The following NFASC variants were observed in gnomAD, a reference collection of about 807,000 sequenced individuals.
The protein encoded by NFASC is neurofascin homolog.
A neutral mutation model predicts 147.5 loss-of-function variants in NFASC; 43 were observed. The ratio of observed to expected loss-of-function variants is 0.29; its 90% CI spans 0.23 to 0.38. The LOEUF is 0.38. NFASC is among the 10% of genes least tolerant of loss of function. The pLI is 1.00. For missense variants in NFASC, 1,320 were observed against 1,689.0 expected, an observed-to-expected ratio of 0.78 and a Z score of 3.83; for synonymous variants, 622 against 665.5, an observed-to-expected ratio of 0.93 and a Z score of 1.01.
intron 1 of NFASC, among the ~76,000 whole-genome samples, chr1:204,910,259 G>T (rs1369400352): frequency 6.6e-6 from 1 of 152,008 alleles, no homozygotes; most frequent in African/African-American, 2.4e-5. Flanking sequence ...TCTTTAATCA[G>T]TTCTGTGTAG....
intron 1 of NFASC, among the ~76,000 whole-genome samples, chr1:204,909,406 T>G (rs1199988880): frequency 6.6e-6 from 1 of 152,250 alleles, no homozygotes; most frequent in Admixed American, 6.5e-5. Context: ...TCTACTCTGA[T>G]GAAATGTCTT....
chr1:204,923,707 T>C (rs757639454), intron 2 of NFASC, among the ~76,000 whole-genome samples: 7 of 151,986 alleles, frequency 4.6e-5, no homozygotes, highest in Non-Finnish European at 8.8e-5. Flanking sequence ...CCCAAACCGA[T>C]TTCAGGCCCC....
In NFASC at chr1:204,979,469, G is replaced by A. The variant is rs751762776; in HGVS notation, c.2086G>A (p.Val696Ile). The change falls in exon 19 of 30, where the codon GTC becomes ATC. Residue 696 changes from valine to isoleucine, a missense_variant. Physicochemically the swap from Val to Ile is conservative, Grantham distance 29. This residue lies in a region of NFASC where 981 missense variants were observed against 1,289.5 expected (regional missense o/e 0.76). Transcript: ENST00000339876. This position sits in a 1 kb window ranked among gnomAD's most constrained non-coding sequence, Gnocchi z 6.0. ...NSAVLRLSPY[V>I]NYQFRVIAIN... ...AGCCGTCCTCCGGCTGTCCCCGTATGTCAACTACCAGTTCCGTGTCATTGC... is the reference window on the plus strand; with the variant it reads ...AGCCGTCCTCCGGCTGTCCCCGTATATCAACTACCAGTTCCGTGTCATTGC... 6.2e-7 allele frequency: 1 copy of A among 1,614,026 alleles called. No individual in the cohort carries two copies. The highest frequency in any genetic ancestry group is 1.1e-5 in the South Asian group (1 of 91,090).
chr1:204,845,868 C>T (rs1401917594), intron 1 of NFASC, among the ~76,000 whole-genome samples: 2 of 151,796 alleles, frequency 1.3e-5, no homozygotes, highest in Non-Finnish European at 2.9e-5. Flanking sequence ...CACCACTGCA[C>T]ACCGCGTGTG....
intron 2 of NFASC, among the ~76,000 whole-genome samples, chr1:204,941,940 G>A (rs922219924): frequency 2.0e-5 from 3 of 152,098 alleles, no homozygotes; most frequent in African/African-American, 7.2e-5. Context: ...CTGGGGAAAC[G>A]TGAGGTTTTA....
rs530477106 is a variant in NFASC, at chr1:204,996,994, T to C, written c.2783-176T>C. ...AGGGCTTCATTCTCTTCCTCTCCCA[T>C]GGTTGTGTCTTCTGTTGCTGCGACC... On this transcript the variant is annotated intron_variant, in intron 24 of 29. Transcript: ENST00000339876. Among the ~76,000 whole-genome samples the C allele has an allele frequency of 3.9e-5, 6 of 152,236 alleles. No individual in the cohort carries two copies. In the South Asian group the frequency reaches 1.0e-3, roughly 26 times the overall value.
At chr1:205,000,946 A>G in intron 25 of NFASC, 1 of 578,446 alleles carries the variant, frequency 1.7e-6, no homozygotes, top group Non-Finnish European at 3.1e-6. Flanking sequence ...GTCCCTGGAC[A>G]GCGACCTCTG....
chr1:204,896,714 A>G (rs1303360965), intron 1 of NFASC, among the ~76,000 whole-genome samples: 1 of 152,210 alleles, frequency 6.6e-6, no homozygotes, highest in Non-Finnish European at 1.5e-5. Context: ...AAGTAAATAT[A>G]TGGTTTTTGA....
rs766874024 is a variant in NFASC at position 205,020,665 on chromosome 1, A to G, written c.*4126A>G. 1 of 152,254 alleles carries G rather than the reference A, an allele frequency of 6.6e-6. No homozygotes were observed. The highest frequency in any genetic ancestry group is 2.4e-5 in the African/African-American group (1 of 41,462). 9.4% of individuals were successfully genotyped at this position (152,254 alleles called of 1,614,324 possible). On this transcript the variant is annotated 3_prime_UTR_variant, in exon 30 of 30. Transcript: ENST00000339876. ...GGCCAAGTCTTAGGGCATCACAAACAGCCCATTTGATGGAGGGAGCAGGGA... is the reference window on the plus strand; with the variant it reads ...GGCCAAGTCTTAGGGCATCACAAACGGCCCATTTGATGGAGGGAGCAGGGA...
intron 1 of NFASC, among the ~76,000 whole-genome samples, chr1:204,919,779 C>T (rs879865383): frequency 5.9e-5 from 9 of 151,998 alleles, no homozygotes; most frequent in Non-Finnish European, 1.3e-4. Flanking sequence ...CAGGTGTGCC[C>T]GGCTAATTTT....
intron 15 of NFASC, 89 bp from the exon 16 acceptor site, chr1:204,976,582 C>A: frequency 2.0e-6 from 2 of 982,440 alleles, no homozygotes; most frequent in Non-Finnish European, 3.1e-6. Flanking sequence ...GCCCTCCTGA[C>A]TCGAGAACCC....
In NFASC at chr1:204,968,208, C is replaced by A. The variant is rs1336060187; in HGVS notation, c.707-41C>A. On this transcript the variant is annotated intron_variant, in intron 8 of 29. Transcript: ENST00000339876. This position sits in a 1 kb window ranked among gnomAD's most constrained non-coding sequence, Gnocchi z 5.4. ...GCGTTGGCCTAGTGGGGTCTGCCTT[C>A]TGGAAGGAGGCTCATGGGAGTTTGT... 1 of 1,507,294 alleles carries A rather than the reference C, an allele frequency of 6.6e-7. No homozygotes were observed. The allele number at this position is 1,507,294 out of a possible 1,614,324, so 93.4% of individuals were successfully genotyped here.
intron 1 of NFASC, among the ~76,000 whole-genome samples, chr1:204,853,071 T>C (rs572294523): frequency 3.3e-5 from 5 of 152,292 alleles, no homozygotes; most frequent in Non-Finnish European, 5.9e-5. Flanking sequence ...CACTAACAGA[T>C]GGGAAGCAAT....
intron 23 of NFASC, chr1:204,990,323 G>A (rs2095698574): frequency 6.6e-6 from 1 of 152,200 alleles, no homozygotes; most frequent in East Asian, 1.9e-4. Flanking sequence ...GGCCAGGCCA[G>A]GCCATGATGC....
At chr1:204,917,908 A>G (rs2089637054) in intron 1 of NFASC, among the ~76,000 whole-genome samples, 1 of 152,230 alleles carries the variant, frequency 6.6e-6, no homozygotes, top group Admixed American at 6.5e-5. Context: ...CATTCTGACT[A>G]GGATGGTCAT....
chr1:204,841,484 C>A (rs1316859463), intron 1 of NFASC, among the ~76,000 whole-genome samples: 1 of 152,166 alleles, frequency 6.6e-6, no homozygotes, highest in African/African-American at 2.4e-5. Flanking sequence ...TAGGATCTGA[C>A]AGCATGGGAG....
At chr1:204,922,968 G>A (rs1237384024) in intron 2 of NFASC, among the ~76,000 whole-genome samples, 3 of 152,220 alleles carry the variant, frequency 2.0e-5, no homozygotes, top group Admixed American at 1.3e-4. Context: ...GTGGCCCCAT[G>A]AAGTAGGGCC....
intron 2 of NFASC, among the ~76,000 whole-genome samples, chr1:204,921,963 G>T (rs1468583568): frequency 1.3e-5 from 2 of 152,094 alleles, no homozygotes; most frequent in African/African-American, 4.8e-5. Context: ...TTTTCACCCT[G>T]TCATTGTTAC....
chr1:204,839,919 G>T (rs765386988), intron 1 of NFASC, among the ~76,000 whole-genome samples: 5 of 152,194 alleles, frequency 3.3e-5, no homozygotes, highest in Non-Finnish European at 5.9e-5. Flanking sequence ...GGCTCCCCAT[G>T]ATCACCCAGG....
Sources: allele counts gnomAD v4.1 joint callset (sites outside exome capture counted in the v4.1 genomes callset), GRCh38; gene constraint gnomAD v4.1.1; regional missense constraint gnomAD v4.1.1; non-coding constraint Gnocchi (gnomAD v3.1); transcripts MANE v1.5; gene names NCBI Gene and HGNC (gene_info 2026-07-23, HGNC 2026-07-21).